Variants in ECE2 observed in about 807,000 individuals in gnomAD.
ECE2 encodes the protein endothelin converting enzyme 2, also known as endothelin-converting enzyme 2.
Under a neutral mutation model 100.6 loss-of-function variants are expected in ECE2, and 81 were observed. The ratio of observed to expected loss-of-function variants is 0.81; its 90% CI spans 0.67 to 0.97. The LOEUF (loss-of-function observed/expected upper bound fraction) is 0.97. Among genes scored for constraint, ECE2 ranks in the 50% least tolerant of loss-of-function variants. ECE2 has a pLI of 0.00. For missense variants in ECE2, 911 were observed against 988.1 expected (o/e 0.92, Z 1.05); for synonymous variants, 391 against 391.5 (o/e 1.00, Z 0.02).
intron 1 of ECE2, 126 bp downstream of exon 1, chr3:184,276,318 A>T (rs1024475212): frequency 2.2e-6 from 3 of 1,373,350 alleles, no homozygotes; most frequent in Non-Finnish European, 2.9e-6. Flanking sequence ...GGCCTGGTGG[A>T]GGGGTGATAG....
At position 184,291,425 on chromosome 3, in the gene ECE2, G is replaced by T. The variant is rs541647645; in HGVS notation, c.2107G>T (p.Val703Leu). 1.9e-6 allele frequency: 3 copies of T among 1,594,642 alleles called. No homozygotes were observed. Among genetic ancestry groups the T allele is most frequent in the Non-Finnish European group, 2.6e-6 (3 of 1,170,312 alleles). ...VGLTNHQLFFVGFAQVWCSVR... is the reference protein window; with the variant it reads ...VGLTNHQLFFLGFAQVWCSVR... ...GCTCACCAACCACCAGCTCTTCTTC[G>T]TGGGATTTGCCCAGGTATCACCCTC... is the stretch of plus-strand genomic sequence containing the variant. The change falls in exon 18 of 19, where the codon GTG becomes TTG. Residue 703 changes from valine to leucine, a missense_variant. By Grantham distance (32) the Val-to-Leu change is conservative. Coordinates refer to ENST00000404464, the MANE Select transcript of ECE2 (RefSeq NM_001100121.2). The surrounding 1 kb of genome is among the most constrained non-coding windows in gnomAD (Gnocchi z 4.1).
intron 11 of ECE2, among the ~76,000 whole-genome samples, chr3:184,288,463 T>G (rs1721167821): frequency 6.6e-6 from 1 of 152,134 alleles, no homozygotes; most frequent in Non-Finnish European, 1.5e-5. Flanking sequence ...AGAAGAAATA[T>G]TTATTTATTA....
At position 184,285,499 on chromosome 3, in the gene ECE2, C is replaced by T. The variant is rs1282987119; in HGVS notation, c.1170C>T (p.Ile390=). The change falls in exon 10 of 19, where the codon ATC becomes ATT. Residue 390 remains isoleucine (I), a synonymous_variant. Transcript: ENST00000404464. ...TCAGCATCCTGAACAATTACCTGAT[C>T]TGGAACCTGGTGCAAAAGACAACCT... The part of the protein sequence containing the change: ...TEPSILNNYL[I]WNLVQKTTSS... 5 of 1,614,140 alleles carry T rather than the reference C, an allele frequency of 3.1e-6. No homozygotes were observed. Among genetic ancestry groups the T allele is most frequent in the Non-Finnish European group, 4.2e-6 (5 of 1,180,000 alleles).
intron 14 of ECE2, 96 bp downstream of exon 14, chr3:184,290,454 G>T: frequency 1.9e-6 from 3 of 1,559,540 alleles, no homozygotes; most frequent in South Asian, 1.1e-5. Flanking sequence ...ACTGGTCCCA[G>T]ACCGGCGGCC....
chr3:184,285,396 C>A, intron 9 of ECE2, 82 bp from the exon 10 acceptor site: 1 of 1,157,176 alleles, frequency 8.6e-7, no homozygotes, highest in Non-Finnish European at 1.3e-6. Context: ...ACTCCTGCAA[C>A]TTGCATGTTC....
At chr3:184,287,786 G>T in intron 10 of ECE2, 51 bp from the exon 11 acceptor site, 2 of 1,543,688 alleles carry the variant, frequency 1.3e-6, no homozygotes, top group South Asian at 2.2e-5. Context: ...AAGGCCCTCT[G>T]ACTGGAGGAC....
intron 9 of ECE2, 88 bp downstream of exon 9, chr3:184,285,193 A>G: frequency 3.3e-6 from 5 of 1,513,114 alleles, no homozygotes; most frequent in Non-Finnish European, 4.5e-6. Flanking sequence ...ACACAGAACA[A>G]CATTTGGTAA....
chr3:184,289,597 A>G lies in ECE2; in HGVS notation c.1474-44A>G. The G allele has an allele frequency of 6.2e-7, 1 of 1,613,560 alleles. No homozygotes were observed. The highest frequency in any genetic ancestry group is 8.5e-7 in the Non-Finnish European group (1 of 1,179,502). On this transcript the variant is annotated intron_variant, in intron 12 of 18. Transcript: ENST00000404464. The surrounding 1 kb of genome is among the most constrained non-coding windows in gnomAD (Gnocchi z 4.1). ...TGGGGTTCAAGGATACAGTTTTGCT[A>G]GGAACCTGGGGAAGGAAACAAACCC...
rs1253085967 is a variant in ECE2, at chr3:184,292,114, A to C, written c.2174A>C (p.Asp725Ala). 7 of 1,613,334 alleles carry C rather than the reference A, an allele frequency of 4.3e-6. No homozygotes were observed. The highest frequency in any genetic ancestry group is 4.0e-5 in the African/African-American group (3 of 74,726). The change falls in exon 19 of 19, where the codon GAC (aspartate) becomes GCC (alanine). Residue 725 changes from aspartate to alanine, a missense_variant. Physicochemically the swap from Asp to Ala is moderately radical, Grantham distance 126. Transcript: ENST00000404464. The stretch of plus-strand genomic sequence containing the variant: ...AGCTCTCACGAGGGGCTGGTGACCG[A>C]CCCCCACAGCCCTGCCCGCTTCCGC... Reference protein sequence around the residue: ...PESSHEGLVTDPHSPARFRVL... With the variant: ...PESSHEGLVTAPHSPARFRVL...
Position 184,290,431 on chromosome 3 carries a change from AAAGGGTGGC to A in ECE2, c.1655+77_1655+85del, listed in dbSNP as rs1045535785. The A allele has an allele frequency of 1.9e-6, 3 of 1,570,950 alleles. No homozygotes were observed. In the Admixed American group the frequency reaches 5.1e-5, roughly 27 times the overall value. On this transcript the variant is annotated intron_variant, in intron 14 of 18. Coordinates refer to ENST00000404464, the MANE Select transcript of ECE2 (RefSeq NM_001100121.2). Reference sequence around the variant, plus strand: ...GGGGGAAGGTTCCTGGGATGGGGGAAAAGGGTGGCAAGACTGGTCCCAGACCGGCGGCCC... The same window carrying A: ...GGGGGAAGGTTCCTGGGATGGGGGAAAAGACTGGTCCCAGACCGGCGGCCC...
rs780344999 is a variant in ECE2 at position 184,277,330 on chromosome 3, G to A, written c.342G>A (p.Val114=). 12 of 1,614,124 alleles carry A rather than the reference G, an allele frequency of 7.4e-6. No homozygotes were observed. In the Admixed American group the frequency reaches 2.0e-4, roughly 27 times the overall value. Reference sequence around the variant, plus strand: ...TCCTGGAGTCCCTGGACCGAGGGGTGAGCCCCTGTGAGGACTTTTACCAGT... The same window carrying A: ...TCCTGGAGTCCCTGGACCGAGGGGTAAGCCCCTGTGAGGACTTTTACCAGT... ...GKILESLDRG[V]SPCEDFYQFS... Residue 114 remains valine, a synonymous_variant, in exon 4 of 19, where the codon GTG becomes GTA. Coordinates refer to ENST00000404464, the MANE Select transcript of ECE2 (RefSeq NM_001100121.2).
At position 184,285,482 on chromosome 3, in the gene ECE2, C is replaced by T. The variant is rs573692167; in HGVS notation, c.1153C>T (p.Leu385=). Residue 385 remains leucine, a synonymous_variant, in exon 10 of 19, where the codon CTG becomes TTG. Transcript: ENST00000404464. The stretch of plus-strand genomic sequence containing the variant: ...ATTTTCTGGTCTGGTTGTCAGCATC[C>T]TGAACAATTACCTGATCTGGAACCT... ...ELINRTEPSI[L]NNYLIWNLVQ... 5.5e-5 allele frequency: 88 copies of T among 1,613,596 alleles called. 3 individuals are homozygous for T. In the South Asian group the frequency reaches 8.9e-4, roughly 16 times the overall value.
At chr3:184,281,263 C>A (rs368520820) in intron 7 of ECE2, among the ~76,000 whole-genome samples, 1 of 152,206 alleles carries the variant, frequency 6.6e-6, no homozygotes, top group African/African-American at 2.4e-5. Flanking sequence ...AAACAGTTCG[C>A]TACACAGTTG....
At position 184,283,668 on chromosome 3, in the gene ECE2, A is replaced by C. The variant is rs1055929280; in HGVS notation, c.817-117A>C. 4 of 1,046,502 alleles carry C rather than the reference A, an allele frequency of 3.8e-6. No homozygotes were observed. In the African/African-American group the frequency reaches 4.8e-5, roughly 13 times the overall value. The allele number at this position is 1,046,502 out of a possible 1,614,324, so 64.8% of individuals were successfully genotyped here. A position where few individuals can be genotyped will look rare whatever the true frequency, so the allele number is the denominator to read the frequency against. ...GTCAGAAATGAAACAGGTCATCCAG[A>C]AAGGCTTCCAGAAGGATCAAGCAGA... On this transcript the variant is annotated intron_variant, in intron 7 of 18. Transcript: ENST00000404464.
In ECE2 at chr3:184,289,079, C is replaced by A. The variant is rs561235998; in HGVS notation, c.1375-358C>A. ...CTGAGGCAGGAGAATCGCTTGAACTCGGGAGGCGGAGGTTGCAGTGAGCCG... is the reference window on the plus strand; with the variant it reads ...CTGAGGCAGGAGAATCGCTTGAACTAGGGAGGCGGAGGTTGCAGTGAGCCG... On this transcript the variant is annotated intron_variant, in intron 11 of 18. Transcript: ENST00000404464. This position sits in a 1 kb window ranked among gnomAD's most constrained non-coding sequence, Gnocchi z 4.1. Among the ~76,000 whole-genome samples, 16 of 151,330 alleles carry A rather than the reference C, an allele frequency of 1.1e-4. No individual in the cohort carries two copies. Among genetic ancestry groups the A allele is most frequent in the African/African-American group, 2.7e-4 (11 of 41,182 alleles).
intron 7 of ECE2, 39 bp from the exon 8 acceptor site, chr3:184,283,746 C>G (rs367693099): frequency 1.2e-6 from 2 of 1,602,090 alleles, no homozygotes; most frequent in African/African-American, 2.7e-5. Context: ...TTGGGCAGGA[C>G]TTGTTGCTGG....
chr3:184,277,027 G>A lies in ECE2; in HGVS notation c.262G>A (p.Asp88Asn), dbSNP rs1206840588. ...GGCCCTAGGGGTCCAGTACCACAGA[G>A]GTAGGTGGGCCCACACTCTTCGTCA... is the stretch of plus-strand genomic sequence containing the variant. Reference protein sequence around the residue: ...LVALGVQYHRDPSHSTCLTEA... With the variant: ...LVALGVQYHRNPSHSTCLTEA... The change falls in exon 3 of 19, where the codon GAC becomes AAC. Residue 88 changes from aspartate (D) to asparagine (N), a missense_variant and splice_region_variant. Transcript: ENST00000404464. 3 of 1,613,946 alleles carry A rather than the reference G, an allele frequency of 1.9e-6. No individual in the cohort carries two copies. The highest frequency in any genetic ancestry group is 1.1e-5 in the South Asian group (1 of 91,080).
Position 184,283,963 on chromosome 3 carries a change from C to T in ECE2, c.995C>T (p.Ser332Leu), listed in dbSNP as rs558136206. Residue 332 changes from serine to leucine, a missense_variant, in exon 8 of 19, where the codon TCG becomes TTG. Transcript: ENST00000404464. ...EEKIYHKMSI[S>L]ELQALAPSMD... ...AAGATCTACCACAAGATGAGCATTT[C>T]GGAGCTGCAGGTGGGGCAGGCAGGG... 27 of 1,613,740 alleles carry T rather than the reference C, an allele frequency of 1.7e-5. No individual in the cohort carries two copies. The highest frequency in any genetic ancestry group is 3.4e-4 in the Middle Eastern group (2 of 5,932).
intron 3 of ECE2, 110 bp from the exon 4 acceptor site, chr3:184,277,140 GC>G: frequency 6.2e-7 from 1 of 1,600,712 alleles, no homozygotes; most frequent in Non-Finnish European, 8.5e-7. Flanking sequence ...AAAGCCCCCG[GC>G]TTTGCTTTCT....
Sources: gnomAD v4.1 joint callset for allele counts (sites outside exome capture counted in the v4.1 genomes callset) on GRCh38, gnomAD v4.1.1 for gene constraint, Gnocchi (gnomAD v3.1) non-coding constraint, MANE v1.5 for transcripts, NCBI Gene and HGNC (gene_info 2026-07-23, HGNC 2026-07-21) for gene names.